GPC5: variants seen among roughly 807,000 people sequenced by gnomAD.
The protein encoded by GPC5 is glypican-5.
In GPC5, 47 loss-of-function variants were observed where a neutral mutation model predicts 53.9. The ratio of observed to expected loss-of-function variants is 0.87; its 90% confidence interval spans 0.69 to 1.11. The LOEUF is 1.11. GPC5 is among the 50% of genes most tolerant of loss of function. The probability of loss-of-function intolerance (pLI) is 0.00; values close to 1 mark genes in which losing one functional copy is unlikely to be tolerated. For synonymous variants in GPC5, 286 were observed against 263.3 expected (o/e 1.09, Z -0.84); for missense variants, 748 against 713.1 (o/e 1.05, Z -0.56).
At chr13:91,745,586 A>G (rs1159189103) in intron 4 of GPC5, among the ~76,000 whole-genome samples, 2 of 151,996 alleles carry the variant, frequency 1.3e-5, no homozygotes, top group Admixed American at 6.6e-5. Flanking sequence ...ATGACTTCCT[A>G]TGTGGAGGGG....
chr13:92,195,576 C>T (rs1593983288), intron 7 of GPC5, among the ~76,000 whole-genome samples: 1 of 152,206 alleles, frequency 6.6e-6, no homozygotes, highest in South Asian at 2.1e-4. Context: ...CTTCTACTGA[C>T]ACCACGTATG....
chr13:91,612,278 A>G (rs1487635555), intron 2 of GPC5, among the ~76,000 whole-genome samples: 1 of 152,184 alleles, frequency 6.6e-6, no homozygotes, highest in Non-Finnish European at 1.5e-5. Context: ...TCTCTTATAT[A>G]TACTCTTCAT....
chr13:91,829,907 G>A (rs2138852011), intron 5 of GPC5, among the ~76,000 whole-genome samples: 1 of 152,190 alleles, frequency 6.6e-6, no homozygotes, highest in East Asian at 1.9e-4. Context: ...GGCAAATGGA[G>A]GCAGTGTGAG....
At chr13:92,824,663 T>C (rs1877783456) in intron 7 of GPC5, among the ~76,000 whole-genome samples, 1 of 151,548 alleles carries the variant, frequency 6.6e-6, no homozygotes, top group African/African-American at 2.4e-5. Context: ...AATGTAGCAG[T>C]AAAGTGAATC....
At chr13:92,631,137 G>A (rs908600506) in intron 7 of GPC5, among the ~76,000 whole-genome samples, 1 of 151,846 alleles carries the variant, frequency 6.6e-6, no homozygotes, top group African/African-American at 2.4e-5. Flanking sequence ...ATATAAAAAT[G>A]AAATACTTTA....
At chr13:91,608,860 C>A in intron 2 of GPC5, among the ~76,000 whole-genome samples, 1 of 151,376 alleles carries the variant, frequency 6.6e-6, no homozygotes, top group Non-Finnish European at 1.5e-5. Context: ...GATTGGACAT[C>A]AGTTCTGTGT....
At chr13:92,505,135 C>T (rs761824403) in intron 7 of GPC5, among the ~76,000 whole-genome samples, 9 of 151,666 alleles carry the variant, frequency 5.9e-5, no homozygotes, top group Non-Finnish European at 1.3e-4. Context: ...TTTACTTTAA[C>T]AGTAACTTTT....
chr13:92,277,734 G>T (rs1044781442), intron 7 of GPC5, among the ~76,000 whole-genome samples: 1 of 151,708 alleles, frequency 6.6e-6, no homozygotes, highest in African/African-American at 2.4e-5. Context: ...CACAAAAATG[G>T]CACTGCAGAC....
intron 7 of GPC5, among the ~76,000 whole-genome samples, chr13:92,663,887 TATATATATATATATATAC>T (rs1566351218): frequency 8.8e-5 from 2 of 22,624 alleles, no homozygotes; most frequent in Non-Finnish European, 2.5e-4. Flanking sequence ...TATATATATA[TATATATATATATATATAC>T]ACACACACAC....
intron 7 of GPC5, among the ~76,000 whole-genome samples, chr13:92,272,156 G>A (rs1006787606): frequency 6.6e-6 from 1 of 152,134 alleles, no homozygotes; most frequent in Non-Finnish European, 1.5e-5. Context: ...TTTGAATAAA[G>A]TTCTTTCATT....
intron 7 of GPC5, among the ~76,000 whole-genome samples, chr13:92,772,572 AT>A: frequency 6.6e-6 from 1 of 152,050 alleles, no homozygotes; most frequent in Non-Finnish European, 1.5e-5. Context: ...TTCCAATGTC[AT>A]TTCTTTATCA....
At chr13:92,588,976 A>G (rs1329673540) in intron 7 of GPC5, among the ~76,000 whole-genome samples, 1 of 152,198 alleles carries the variant, frequency 6.6e-6, no homozygotes, top group Non-Finnish European at 1.5e-5. Context: ...ATGTGCAAGT[A>G]ATGAGAGGCT....
At chr13:92,108,328 G>A (rs1998871) in intron 6 of GPC5, among the ~76,000 whole-genome samples, 149,396 of 152,308 alleles carry the variant, frequency 0.98, 73,334 homozygotes, top group Middle Eastern at 1. Context: ...GTTTTCACAT[G>A]TATCGACAGT....
chr13:92,643,432 G>A (rs1179914949), intron 7 of GPC5, among the ~76,000 whole-genome samples: 3 of 149,138 alleles, frequency 2.0e-5, no homozygotes, highest in Admixed American at 6.7e-5. Context: ...GCACACGTAT[G>A]TTTATTGCGG....
chr13:92,527,245 GAAAGAGAAAGAAAGAAAGAA>G (rs1365058351), intron 7 of GPC5, among the ~76,000 whole-genome samples: 28 of 36,030 alleles, frequency 7.8e-4, no homozygotes, highest in African/African-American at 3.5e-3. Context: ...AAGAAAGAAA[GAAAGAGAAAGAAAGAAAGAA>G]AGAAAGAAAG....
chr13:92,098,280 G>A (rs527368358), intron 6 of GPC5, among the ~76,000 whole-genome samples: 18 of 152,220 alleles, frequency 1.2e-4, no homozygotes, highest in South Asian at 2.1e-4. Context: ...CTGTTACTGC[G>A]TTAGTTTGTT....
intron 7 of GPC5, among the ~76,000 whole-genome samples, chr13:92,729,931 T>A (rs539941744): frequency 5.3e-5 from 8 of 151,500 alleles, no homozygotes; most frequent in African/African-American, 1.9e-4. Context: ...TAATTCCCAT[T>A]TTATGTACAG....
chr13:92,201,994 C>A (rs1044869236), intron 7 of GPC5, among the ~76,000 whole-genome samples: 1 of 152,148 alleles, frequency 6.6e-6, no homozygotes, highest in Middle Eastern at 3.4e-3. Flanking sequence ...GTGCTATCAC[C>A]AACTAATTGT....
intron 7 of GPC5, among the ~76,000 whole-genome samples, chr13:92,585,726 G>A (rs1447799280): frequency 3.3e-5 from 5 of 152,160 alleles, no homozygotes; most frequent in African/African-American, 1.2e-4. Flanking sequence ...CACGTGTTGT[G>A]AGAGGGATGT....
Sources: gnomAD v4.1 joint callset for allele counts (sites outside exome capture counted in the v4.1 genomes callset) on GRCh38, gnomAD v4.1.1 for gene constraint, MANE v1.5 for transcripts, NCBI Gene and HGNC (gene_info 2026-07-23, HGNC 2026-07-21) for gene names.